The following BCR variants were observed in gnomAD, a reference collection of about 807,000 sequenced individuals.
BCR encodes the protein BCR activator of RhoGEF and GTPase, also known as breakpoint cluster region protein.
BCR carries 58 observed loss-of-function variants against 138.6 expected under a neutral mutation model. The ratio of observed to expected loss-of-function variants is 0.42; its 90% CI spans 0.34 to 0.52. The LOEUF (loss-of-function observed/expected upper bound fraction) is 0.52, where lower values mean the gene tolerates loss of function less well. BCR is among the 20% of genes least tolerant of loss of function. The pLI is 0.06. For synonymous variants in BCR, 786 were observed against 730.1 expected, an observed-to-expected ratio of 1.08 and a Z score of -1.23; for missense variants, 1,599 against 1,727.2, an observed-to-expected ratio of 0.93 and a Z score of 1.32.
At chr22:23,256,972 C>A (rs774502752) in intron 2 of BCR, among the ~76,000 whole-genome samples, 1 of 152,034 alleles carries the variant, frequency 6.6e-6, no homozygotes, top group Non-Finnish European at 1.5e-5. Context: ...CTTCTTTTTC[C>A]AATTTCCCTT....
At chr22:23,220,362 G>A (rs2072810482) in intron 1 of BCR, among the ~76,000 whole-genome samples, 1 of 152,204 alleles carries the variant, frequency 6.6e-6, no homozygotes, top group Non-Finnish European at 1.5e-5. Flanking sequence ...CCAGAGCCAG[G>A]TGTCAGGGAA....
intron 16 of BCR, among the ~76,000 whole-genome samples, chr22:23,296,396 A>T (rs945419814): frequency 6.6e-6 from 1 of 150,784 alleles, no homozygotes; most frequent in Admixed American, 6.6e-5. Context: ...AAAAAAAAAA[A>T]TACCAAGTGC....
intron 1 of BCR, among the ~76,000 whole-genome samples, chr22:23,193,029 G>A (rs972561551): frequency 6.6e-6 from 1 of 152,190 alleles, no homozygotes; most frequent in Non-Finnish European, 1.5e-5. Context: ...GCCAGGCAGA[G>A]CAAGGAATTG....
rs573877266 is a variant in BCR, at chr22:23,268,552, G to C, written c.1860+37G>C. On this transcript the variant is annotated intron_variant, in intron 5 of 22. Transcript: ENST00000305877. ...ATGCCGTTCAGACAGGTGCACCGCTGACTCCCACCTGTACCCTCCACCTCC... is the reference window on the plus strand; with the variant it reads ...ATGCCGTTCAGACAGGTGCACCGCTCACTCCCACCTGTACCCTCCACCTCC... 3 of 1,542,696 alleles carry C rather than the reference G, an allele frequency of 1.9e-6. No homozygotes were observed. The Admixed American group carries it at 5.1e-5, about 26-fold the overall frequency.
At chr22:23,234,836 G>A (rs1007321300) in intron 1 of BCR, among the ~76,000 whole-genome samples, 1 of 144,036 alleles carries the variant, frequency 6.9e-6, no homozygotes, top group African/African-American at 2.5e-5. Context: ...GGCCGAACCC[G>A]TGTGCTGGAC....
At chr22:23,311,984 A>G (rs2074013203) in intron 19 of BCR, 148 bp downstream of exon 19, 1 of 1,408,192 alleles carries the variant, frequency 7.1e-7, no homozygotes, top group African/African-American at 1.4e-5. Context: ...AAAAGAGAAG[A>G]CAAGAGTTGT....
intron 4 of BCR, chr22:23,263,911 CTTG>C (rs1257977943): frequency 1.1e-6 from 1 of 943,594 alleles, no homozygotes; most frequent in East Asian, 2.4e-5. Flanking sequence ...ACAGGGACGG[CTTG>C]TTGTGGGCAC....
At chr22:23,257,045 C>T (rs1003651092) in intron 2 of BCR, among the ~76,000 whole-genome samples, 3 of 152,130 alleles carry the variant, frequency 2.0e-5, no homozygotes, top group Non-Finnish European at 4.4e-5. Flanking sequence ...CCTGCATTCA[C>T]GTCCTTTCCC....
chr22:23,181,264 G>C lies in BCR; in HGVS notation c.304G>C (p.Ala102Pro). The change falls in exon 1 of 23, where the codon GCC becomes CCC. Residue 102 changes from alanine (A) to proline (P), a missense_variant. Ala to Pro is a conservative substitution (Grantham distance 27). Around this residue, in one of 4 missense-constraint regions of BCR, gnomAD observed 806 missense variants for 635.0 expected, o/e 1.27. Coordinates refer to ENST00000305877, the MANE Select transcript of BCR (RefSeq NM_004327.4). ...CGCGTCGCGCCCGCAGCCAGCGCCC[G>C]CCGACGGAGCCGACCCGCCGCCCGC... ...ASASRPQPAP[A>P]DGADPPPAEE... 8 of 1,253,520 alleles carry C rather than the reference G, an allele frequency of 6.4e-6. No individual in the cohort carries two copies. The highest frequency in any genetic ancestry group is 8.1e-6 in the Non-Finnish European group (8 of 992,928). 77.6% of individuals were successfully genotyped at this position (1,253,520 alleles called of 1,614,324 possible). A position where few individuals can be genotyped will look rare whatever the true frequency, so the allele number is the denominator to read the frequency against.
chr22:23,267,758 C>T (rs12167157), intron 4 of BCR, among the ~76,000 whole-genome samples: 3,049 of 152,304 alleles, frequency 0.02, 98 homozygotes, highest in African/African-American at 0.07. Context: ...TGTGTCTGAG[C>T]TGGAGGTGCA....
chr22:23,206,878 TTAAC>T (rs2072621035), intron 1 of BCR, among the ~76,000 whole-genome samples: 1 of 136,126 alleles, frequency 7.3e-6, no homozygotes, highest in South Asian at 2.1e-4. Context: ...AACCATCCAT[TTAAC>T]TATTCTTTAT....
chr22:23,196,189 G>A (rs926280647), intron 1 of BCR, among the ~76,000 whole-genome samples: 130 of 152,286 alleles, frequency 8.5e-4, no homozygotes, highest in African/African-American at 3.0e-3. Context: ...CAGAGTTGAT[G>A]GGAAAACACT....
chr22:23,210,369 A>G (rs994392141), intron 1 of BCR, among the ~76,000 whole-genome samples: 5 of 151,758 alleles, frequency 3.3e-5, no homozygotes, highest in African/African-American at 9.7e-5. Context: ...GTGAGCCACA[A>G]TTGTGCCACT....
chr22:23,226,560 C>T (rs866396003), intron 1 of BCR, among the ~76,000 whole-genome samples: 2 of 152,212 alleles, frequency 1.3e-5, no homozygotes, highest in Non-Finnish European at 2.9e-5. Flanking sequence ...GTTGAGGCCT[C>T]TCCCTCACAT....
At chr22:23,291,317 A>G (rs1413972835) in intron 14 of BCR, among the ~76,000 whole-genome samples, 1 of 151,930 alleles carries the variant, frequency 6.6e-6, no homozygotes, top group Non-Finnish European at 1.5e-5. Context: ...AGATGAACCC[A>G]AGGGGGACTT....
chr22:23,297,825 AAG>A (rs113791320), intron 16 of BCR, among the ~76,000 whole-genome samples: 18,455 of 152,148 alleles, frequency 0.12, 1,400 homozygotes, highest in African/African-American at 0.21. Flanking sequence ...GTCTCAGTGA[AAG>A]AGAGAAAAGA....
At chr22:23,264,126 C>T (rs1197043699) in intron 4 of BCR, 11 of 1,521,428 alleles carry the variant, frequency 7.2e-6, no homozygotes, top group African/African-American at 1.4e-5. Flanking sequence ...GGAGGAGCCC[C>T]ACAACAGCAC....
At chr22:23,221,200 T>C (rs982299934) in intron 1 of BCR, among the ~76,000 whole-genome samples, 5 of 152,220 alleles carry the variant, frequency 3.3e-5, no homozygotes, top group Non-Finnish European at 7.3e-5. Context: ...AGGATGGCGA[T>C]GCAGATGGAA....
intron 8 of BCR, among the ~76,000 whole-genome samples, chr22:23,281,129 C>T (rs890730854): frequency 3.3e-5 from 5 of 152,246 alleles, no homozygotes; most frequent in Admixed American, 6.5e-5. Flanking sequence ...GACACACAGA[C>T]GCAGAGCACA....
Sources: gnomAD v4.1 joint callset for allele counts (sites outside exome capture counted in the v4.1 genomes callset) on GRCh38, gnomAD v4.1.1 for gene constraint, gnomAD v4.1.1 regional missense constraint, MANE v1.5 for transcripts, NCBI Gene and HGNC (gene_info 2026-07-23, HGNC 2026-07-21) for gene names.